The following COL11A1 variants were observed in gnomAD, a reference collection of about 807,000 sequenced individuals.
COL11A1 encodes collagen type XI alpha 1 chain.
A neutral mutation model predicts 265.2 loss-of-function variants in COL11A1; 74 were observed. The ratio of observed to expected loss-of-function variants is 0.28; its 90% confidence interval spans 0.23 to 0.34. The LOEUF is 0.34. Among genes scored for constraint, COL11A1 ranks in the 10% least tolerant of loss-of-function variants. The pLI is 1.00. For synonymous variants in COL11A1, 816 were observed against 727.6 expected (o/e 1.12, Z -1.96); for missense variants, 2,165 against 2,263.6 (o/e 0.96, Z 0.88).
At chr1:103,055,749 AT>A (rs1670194366) in intron 4 of COL11A1, among the ~76,000 whole-genome samples, 1 of 152,306 alleles carries the variant, frequency 6.6e-6, no homozygotes, top group Non-Finnish European at 1.5e-5. Flanking sequence ...GTCTTAGTGT[AT>A]TTTATGTGTG....
At position 102,914,688 on chromosome 1, in the gene COL11A1, G is replaced by A; in HGVS notation, c.3924+16C>T. 1.3e-6 allele frequency: 2 copies of A among 1,593,582 alleles called. No individual in the cohort carries two copies. The highest frequency in any genetic ancestry group is 2.2e-5 in the South Asian group (2 of 90,294). On this transcript the variant is annotated intron_variant, in intron 51 of 66. Coordinates refer to ENST00000370096, the MANE Select transcript of COL11A1 (RefSeq NM_001854.4). ...TTGGCATAAATGCCACATTAGAGGGGACCAAACTCACTTACCGGGTTACCC... is the reference window on the plus strand; with the variant it reads ...TTGGCATAAATGCCACATTAGAGGGAACCAAACTCACTTACCGGGTTACCC...
At chr1:103,036,894 C>T (rs1157956590) in intron 4 of COL11A1, among the ~76,000 whole-genome samples, 1 of 152,016 alleles carries the variant, frequency 6.6e-6, no homozygotes, top group Non-Finnish European at 1.5e-5. Context: ...TGGGTTTATA[C>T]TATAGTGTTT....
At chr1:102,979,004 T>G (rs1227595140) in intron 33 of COL11A1, 56 bp downstream of exon 33, 5 of 1,608,534 alleles carry the variant, frequency 3.1e-6, no homozygotes, top group Admixed American at 1.7e-5. Context: ...ATAAATTATC[T>G]TGATACACTA....
chr1:102,948,048 TA>T (rs1659502346), intron 41 of COL11A1, among the ~76,000 whole-genome samples: 3 of 151,972 alleles, frequency 2.0e-5, no homozygotes, highest in African/African-American at 7.2e-5. Flanking sequence ...TATACTACTT[TA>T]TGTTTTCTAC....
chr1:103,037,252 TTGTGTGTGTG>T (rs10582908), intron 4 of COL11A1, among the ~76,000 whole-genome samples: 68 of 145,220 alleles, frequency 4.7e-4, no homozygotes, highest in African/African-American at 7.1e-4. Context: ...TACATTTAGA[TTGTGTGTGTG>T]TGTGTGTGTG....
At chr1:102,885,480 T>C (rs1254258597) in intron 63 of COL11A1, among the ~76,000 whole-genome samples, 2 of 152,196 alleles carry the variant, frequency 1.3e-5, no homozygotes, top group African/African-American at 2.4e-5. Flanking sequence ...ATCAACCTGC[T>C]TTATCTTCTG....
At chr1:103,000,497 T>C (rs2622873) in intron 24 of COL11A1, among the ~76,000 whole-genome samples, 24,754 of 151,838 alleles carry the variant, frequency 0.16, 2,516 homozygotes, top group African/African-American at 0.29. Context: ...CCAATAAGCA[T>C]GTGAAAAGAT....
intron 15 of COL11A1, 73 bp from the exon 16 acceptor site, chr1:103,006,388 T>A: frequency 3.4e-6 from 4 of 1,180,090 alleles, no homozygotes; most frequent in Non-Finnish European, 4.8e-6. Context: ...TCAAGAGAGA[T>A]GGTTTCAGAA....
chr1:102,951,679 G>T (rs954608412), intron 41 of COL11A1, among the ~76,000 whole-genome samples: 1 of 152,098 alleles, frequency 6.6e-6, no homozygotes, highest in Non-Finnish European at 1.5e-5. Flanking sequence ...GGTGGAGCTT[G>T]CAGTGAGCCG....
intron 41 of COL11A1, among the ~76,000 whole-genome samples, chr1:102,952,420 T>A (rs1336954418): frequency 6.6e-6 from 1 of 152,234 alleles, no homozygotes; most frequent in Non-Finnish European, 1.5e-5. Flanking sequence ...TATTTTTTAT[T>A]TAAAAGCTTA....
chr1:103,051,021 G>A (rs1415861201), intron 4 of COL11A1, among the ~76,000 whole-genome samples: 1 of 152,208 alleles, frequency 6.6e-6, no homozygotes, highest in African/African-American at 2.4e-5. Context: ...ACTGGGGGAT[G>A]CCTCCCAGTT....
chr1:102,978,719 G>C lies in COL11A1; in HGVS notation c.2743C>G (p.Pro915Ala), dbSNP rs766511805. The C allele has an allele frequency of 6.2e-7, 1 of 1,613,926 alleles. No homozygotes were observed. The highest frequency in any genetic ancestry group is 8.5e-7 in the Non-Finnish European group (1 of 1,179,878). Residue 915 changes from proline (P) to alanine (A), a missense_variant, in exon 35 of 67, where the codon CCA (proline) becomes GCA (alanine). Pro to Ala is a conservative substitution (Grantham distance 27, BLOSUM62 -1). Transcript: ENST00000370096. ...TSGGDGPPGP[P>A]GERGPQGPQG... ...TGTATCATACGTACTCTTTCACCTG[G>C]AGGGCCAGGAGGGCCATCGCCACCT...
chr1:102,916,859 A>T (rs1655397182), intron 49 of COL11A1, among the ~76,000 whole-genome samples: 1 of 151,964 alleles, frequency 6.6e-6, no homozygotes, highest in African/African-American at 2.4e-5. Context: ...TTATAAAGAG[A>T]GGTATCATTC....
In COL11A1 at chr1:102,915,608, G is replaced by A. The variant is rs755830436; in HGVS notation, c.3816+23C>T. The stretch of plus-strand genomic sequence containing the variant: ...AATTCCCAAACCAATAATACACTAT[G>A]TTAACAATAACACAGTACTTACGCC... On this transcript the variant is annotated intron_variant, in intron 50 of 66. Coordinates refer to ENST00000370096, the MANE Select transcript of COL11A1 (RefSeq NM_001854.4). 1.9e-6 allele frequency: 3 copies of A among 1,604,372 alleles called. No homozygotes were observed. In the East Asian group the frequency reaches 6.7e-5, roughly 36 times the overall value.
At chr1:103,030,982 G>T in intron 5 of COL11A1, 134 bp downstream of exon 5, 2 of 1,140,604 alleles carry the variant, frequency 1.8e-6, no homozygotes, top group African/African-American at 1.5e-5. Context: ...CTTTTTCCTG[G>T]AAATATTACA....
chr1:103,089,946 A>C (rs1158319746), intron 1 of COL11A1, among the ~76,000 whole-genome samples: 3 of 152,110 alleles, frequency 2.0e-5, no homozygotes, highest in Non-Finnish European at 4.4e-5. Flanking sequence ...CAACATGGCG[A>C]AACCCTGTCT....
intron 4 of COL11A1, among the ~76,000 whole-genome samples, chr1:103,052,483 T>C (rs570626062): frequency 2.6e-5 from 4 of 152,322 alleles, no homozygotes; most frequent in African/African-American, 9.6e-5. Context: ...AAATGTCCTT[T>C]TATTTTTACT....
intron 24 of COL11A1, among the ~76,000 whole-genome samples, chr1:103,000,838 A>T (rs1439638483): frequency 1.3e-5 from 2 of 152,034 alleles, no homozygotes; most frequent in Non-Finnish European, 2.9e-5. Flanking sequence ...ATAGCGAAAA[A>T]GTATAAACTA....
chr1:103,059,421 A>AG (rs1670489384), intron 4 of COL11A1, among the ~76,000 whole-genome samples: 2 of 152,128 alleles, frequency 1.3e-5, no homozygotes, highest in African/African-American at 4.8e-5. Flanking sequence ...TTAAAAAAAA[A>AG]CAAAACATAG....
Sources: gnomAD v4.1 joint callset for allele counts (sites outside exome capture counted in the v4.1 genomes callset) on GRCh38, gnomAD v4.1.1 for gene constraint, MANE v1.5 for transcripts, NCBI Gene and HGNC (gene_info 2026-07-23, HGNC 2026-07-21) for gene names.